PLAGL2: variants seen among roughly 807,000 people sequenced by gnomAD.
PLAGL2 encodes zinc finger protein PLAGL2.
In PLAGL2, 7 loss-of-function variants were observed where a neutral mutation model predicts 29.0. The ratio of observed to expected loss-of-function variants is 0.24; its 90% CI spans 0.14 to 0.45. The LOEUF is 0.45. Ranked by LOEUF, PLAGL2 falls within the 20% of genes least tolerant of loss-of-function variation. The probability of loss-of-function intolerance (pLI) is 0.99; values close to 1 mark genes in which losing one functional copy is unlikely to be tolerated. For synonymous variants in PLAGL2, 234 were observed against 266.0 expected (o/e 0.88, Z 1.17); for missense variants, 454 against 648.2 (o/e 0.70, Z 3.25).
Position 32,196,768 on chromosome 20 carries a change from T to C in PLAGL2, c.1175A>G (p.Asp392Gly), listed in dbSNP as rs1390328207. ...PQPAAAAALLDEALLAKSPAN... is the reference protein window; with the variant it reads ...PQPAAAAALLGEALLAKSPAN... ...GGGGCTCTTGGCAAGCAGTGCTTCA[T>C]CTAGGAGGGCCGCAGCTGCCGCCGG... is the stretch of plus-strand genomic sequence containing the variant. The change falls in exon 3 of 3, where the codon GAT becomes GGT. Residue 392 changes from aspartate to glycine, a missense_variant. By Grantham distance (94) the Asp-to-Gly change is moderately conservative. Around this residue, in one of 4 missense-constraint regions of PLAGL2, gnomAD observed 247 missense variants for 350.3 expected, o/e 0.71. Coordinates refer to ENST00000246229, the MANE Select transcript of PLAGL2 (RefSeq NM_002657.3). 2.5e-6 allele frequency: 4 copies of C among 1,604,622 alleles called. No homozygotes were observed. Among genetic ancestry groups the C allele is most frequent in the Non-Finnish European group, 3.4e-6 (4 of 1,174,844 alleles).
At chr20:32,204,865 T>C (rs1297021850) in intron 1 of PLAGL2, among the ~76,000 whole-genome samples, 1 of 152,254 alleles carries the variant, frequency 6.6e-6, no homozygotes, top group African/African-American at 2.4e-5. Context: ...ATAGAGAAGC[T>C]GACAGAACCT....
Position 32,197,348 on chromosome 20 carries a change from G to A in PLAGL2, c.595C>T (p.Arg199Trp), listed in dbSNP as rs761517519. The change falls in exon 3 of 3, where the codon CGG becomes TGG. Residue 199 changes from arginine to tryptophan, a missense_variant. Arg to Trp is a moderately radical substitution (Grantham distance 101). Transcript: ENST00000246229. This position sits in a 1 kb window ranked among gnomAD's most constrained non-coding sequence, Gnocchi z 6.6. ...KKHPCDHCDR[R>W]FYTRKDVRRH... is the part of the protein sequence containing the mutation. ...CGTACATCCTTACGAGTATAGAACC[G>A]CCGGTCGCAGTGGTCACAGGGGTGC... 1.7e-5 allele frequency: 28 copies of A among 1,602,746 alleles called. No individual in the cohort carries two copies. The highest frequency in any genetic ancestry group is 6.7e-5 in the East Asian group (3 of 44,456).
At position 32,202,037 on chromosome 20, in the gene PLAGL2, G is replaced by C; in HGVS notation, c.142C>G (p.Pro48Ala). ...VKCQCEISGT[P>A]FSNGEKLRPH... Reference sequence around the variant, plus strand: ...CTCAGCTTCTCCCCATTTGAGAAAGGTGTTCCCGAAATTTCACATTGGCAC... The same window carrying C: ...CTCAGCTTCTCCCCATTTGAGAAAGCTGTTCCCGAAATTTCACATTGGCAC... Residue 48 changes from proline (P) to alanine (A), a missense_variant, in exon 2 of 3, where the codon CCT becomes GCT. Coordinates refer to ENST00000246229, the MANE Select transcript of PLAGL2 (RefSeq NM_002657.3). 1.2e-6 allele frequency: 2 copies of C among 1,614,226 alleles called. No individual in the cohort carries two copies. The highest frequency in any genetic ancestry group is 2.2e-5 in the South Asian group (2 of 91,080).
Position 32,197,246 on chromosome 20 carries a change from G to A in PLAGL2, c.697C>T (p.His233Tyr). 6.2e-7 allele frequency: 1 copy of A among 1,614,008 alleles called. No homozygotes were observed. ...CTCTTCTTGACATGACGCGTCAGGT[G>A]GTCCTTACGGCCAAACCGCTGGGCA... ...YCAQRFGRKDHLTRHVKKSHS... is the reference protein window; with the variant it reads ...YCAQRFGRKDYLTRHVKKSHS... The change falls in exon 3 of 3, where the codon CAC becomes TAC. Residue 233 changes from histidine to tyrosine, a missense_variant. Physicochemically the swap from His to Tyr is moderately conservative, Grantham distance 83. Coordinates refer to ENST00000246229, the MANE Select transcript of PLAGL2 (RefSeq NM_002657.3). This position sits in a 1 kb window ranked among gnomAD's most constrained non-coding sequence, Gnocchi z 6.6.
rs758191077 is a variant in PLAGL2 at position 32,197,101 on chromosome 20, C to G, written c.842G>C (p.Arg281Pro). ...GAAGGCCTTGGTCCCCATTACGTCCCGAGAGGCCATGCACAGCACAGGGCT... is the reference window on the plus strand; with the variant it reads ...GAAGGCCTTGGTCCCCATTACGTCCGGAGAGGCCATGCACAGCACAGGGCT... Reference protein sequence around the residue: ...ELSPVLCMASRDVMGTKAFPG... With the variant: ...ELSPVLCMASPDVMGTKAFPG... The change falls in exon 3 of 3, where the codon CGG (arginine) becomes CCG (proline). Residue 281 changes from arginine (R) to proline (P), a missense_variant. By Grantham distance (103) the Arg-to-Pro change is moderately radical (BLOSUM62 -2). Transcript: ENST00000246229. This position sits in a 1 kb window ranked among gnomAD's most constrained non-coding sequence, Gnocchi z 6.6. The G allele has an allele frequency of 6.2e-7, 1 of 1,614,168 alleles. No homozygotes were observed. The highest frequency in any genetic ancestry group is 2.2e-5 in the East Asian group (1 of 44,886).
chr20:32,196,597 A>G lies in PLAGL2; in HGVS notation c.1346T>C (p.Leu449Pro). The G allele has an allele frequency of 6.5e-7, 1 of 1,537,726 alleles. No individual in the cohort carries two copies. The highest frequency in any genetic ancestry group is 8.7e-7 in the Non-Finnish European group (1 of 1,146,512). ...MGYSQAEAQP[L>P]LTTLQAQPQD... is the part of the protein sequence containing the mutation. The stretch of plus-strand genomic sequence containing the variant: ...AGGCTGAGCTTGCAAAGTGGTAAGC[A>G]GGGGCTGTGCCTCAGCCTGGGAGTA... The change falls in exon 3 of 3, where the codon CTG (leucine) becomes CCG (proline). Residue 449 changes from leucine (L) to proline (P), a missense_variant. Physicochemically the swap from Leu to Pro is moderately conservative, Grantham distance 98. This residue lies in a region of PLAGL2 where 247 missense variants were observed against 350.3 expected (regional missense o/e 0.71). Coordinates refer to ENST00000246229, the MANE Select transcript of PLAGL2 (RefSeq NM_002657.3).
rs1417730518 is a variant in PLAGL2, at chr20:32,196,700, A to G, written c.1243T>C (p.Ser415Pro). ...AGTGGAAGAAAGCCCAGTAGGTGGG[A>G]GAAGTCCACATTAGCAGCGCAGAGG... ...EALCAANVDF[S>P]HLLGFLPLNL... The change falls in exon 3 of 3, where the codon TCC (serine) becomes CCC (proline). Residue 415 changes from serine (S) to proline (P), a missense_variant. By Grantham distance (74) the Ser-to-Pro change is moderately conservative (BLOSUM62 -1). This residue lies in a region of PLAGL2 where 247 missense variants were observed against 350.3 expected (regional missense o/e 0.71). Coordinates refer to ENST00000246229, the MANE Select transcript of PLAGL2 (RefSeq NM_002657.3). The G allele has an allele frequency of 6.4e-7, 1 of 1,557,790 alleles. No individual in the cohort carries two copies. Among genetic ancestry groups the G allele is most frequent in the Non-Finnish European group, 8.7e-7 (1 of 1,151,560 alleles).
Position 32,193,893 on chromosome 20 carries a change from C to G in PLAGL2, c.*2559G>C, listed in dbSNP as rs1255838439. ...TATTCCTCTGTACCAGCAAAGTTCA[C>G]AGTGATAGGAAAATTCCTTGTGGGT... On this transcript the variant is annotated 3_prime_UTR_variant, in exon 3 of 3. Transcript: ENST00000246229. 6.6e-6 allele frequency: 1 copy of G among 151,632 alleles called. No homozygotes were observed. Among genetic ancestry groups the G allele is most frequent in the African/African-American group, 2.4e-5 (1 of 41,048 alleles). 9.4% of individuals were successfully genotyped at this position (151,632 alleles called of 1,614,324 possible). A position where few individuals can be genotyped will look rare whatever the true frequency, so the allele number is the denominator to read the frequency against.
At chr20:32,205,678 A>G (rs2047282759) in intron 1 of PLAGL2, among the ~76,000 whole-genome samples, 1 of 152,214 alleles carries the variant, frequency 6.6e-6, no homozygotes, top group Non-Finnish European at 1.5e-5. Context: ...CTGTAAAGCT[A>G]AAAATACTTA....
In PLAGL2 at chr20:32,207,691, G is replaced by GC. The variant is rs2047297657; in HGVS notation, c.-166dup. ...CCGGGCCGCGCTCGGGCTCCGCCAGGCCCCCTCAGGCCCCGGTAGTGGCGG... is the reference window on the plus strand; with the variant it reads ...CCGGGCCGCGCTCGGGCTCCGCCAGGCCCCCCTCAGGCCCCGGTAGTGGCGG... On this transcript the variant is annotated 5_prime_UTR_variant, in exon 1 of 3. The change creates a premature stop within an existing upstream ORF in the 5' untranslated region. Coordinates refer to ENST00000246229, the MANE Select transcript of PLAGL2 (RefSeq NM_002657.3). The GC allele has an allele frequency of 4.1e-6, 1 of 246,508 alleles. No individual in the cohort carries two copies. The highest frequency in any genetic ancestry group is 7.2e-6 in the Non-Finnish European group (1 of 138,660). The allele number at this position is 246,508 out of a possible 1,614,324, so 15.3% of individuals were successfully genotyped here.
chr20:32,198,133 G>A (rs1264901025), intron 2 of PLAGL2, among the ~76,000 whole-genome samples: 1 of 152,198 alleles, frequency 6.6e-6, no homozygotes, highest in Admixed American at 6.5e-5. Context: ...GCTTGTATAT[G>A]GCTAAAATAT....
chr20:32,204,110 CAG>C (rs745856338), intron 1 of PLAGL2, among the ~76,000 whole-genome samples: 2 of 152,162 alleles, frequency 1.3e-5, no homozygotes, highest in Non-Finnish European at 2.9e-5. Flanking sequence ...TGGAATTGAG[CAG>C]AGAGTGTGCT....
chr20:32,204,272 A>G (rs757500272), intron 1 of PLAGL2, among the ~76,000 whole-genome samples: 74 of 152,180 alleles, frequency 4.9e-4, no homozygotes, highest in Admixed American at 3.3e-4. Context: ...GGCTGATGTG[A>G]GAGAGGAGCC....
Position 32,197,733 on chromosome 20 carries a change from CA to C in PLAGL2, c.261-52del. The C allele has an allele frequency of 6.7e-7, 1 of 1,502,020 alleles. No homozygotes were observed. Among genetic ancestry groups the C allele is most frequent in the Non-Finnish European group, 9.2e-7 (1 of 1,091,854 alleles). 93.0% of individuals were successfully genotyped at this position (1,502,020 alleles called of 1,614,324 possible). ...GAGAAAGCAGAAAGAGGGGAGATCA[CA>C]AGGGATGACTGGACAACCAAAGGTG... is the stretch of plus-strand genomic sequence containing the variant. On this transcript the variant is annotated intron_variant, in intron 2 of 2. Transcript: ENST00000246229. This position sits in a 1 kb window ranked among gnomAD's most constrained non-coding sequence, Gnocchi z 6.6.
chr20:32,199,626 G>A (rs1201641241), intron 2 of PLAGL2, among the ~76,000 whole-genome samples: 1 of 152,158 alleles, frequency 6.6e-6, no homozygotes, highest in Non-Finnish European at 1.5e-5. Flanking sequence ...CTTGAGGCCA[G>A]GAATTTGAGA....
At chr20:32,201,480 A>T (rs2047259085) in intron 2 of PLAGL2, among the ~76,000 whole-genome samples, 1 of 152,176 alleles carries the variant, frequency 6.6e-6, no homozygotes, top group Non-Finnish European at 1.5e-5. Flanking sequence ...GTTACCTGGG[A>T]GAATGAGTCA....
At chr20:32,204,040 C>T (rs763753182) in intron 1 of PLAGL2, among the ~76,000 whole-genome samples, 2 of 152,110 alleles carry the variant, frequency 1.3e-5, no homozygotes, top group African/African-American at 2.4e-5. Context: ...TGTTTAAGTC[C>T]CCTCCTCCTT....
In PLAGL2 at chr20:32,197,238, C is replaced by T. The variant is rs553273350; in HGVS notation, c.705G>A (p.Thr235=). 28 of 1,614,114 alleles carry T rather than the reference C, an allele frequency of 1.7e-5. No homozygotes were observed. The East Asian group carries it at 2.5e-4, about 14-fold the overall frequency. The change falls in exon 3 of 3, where the codon ACG becomes ACA. Residue 235 remains threonine, a synonymous_variant. Coordinates refer to ENST00000246229, the MANE Select transcript of PLAGL2 (RefSeq NM_002657.3). This position sits in a 1 kb window ranked among gnomAD's most constrained non-coding sequence, Gnocchi z 6.6. ...GCGAGTGGCTCTTCTTGACATGACGCGTCAGGTGGTCCTTACGGCCAAACC... is the reference window on the plus strand; with the variant it reads ...GCGAGTGGCTCTTCTTGACATGACGTGTCAGGTGGTCCTTACGGCCAAACC... ...AQRFGRKDHL[T]RHVKKSHSQE... is the part of the protein sequence containing the mutation.
At chr20:32,198,209 A>C (rs1447096811) in intron 2 of PLAGL2, among the ~76,000 whole-genome samples, 2 of 152,274 alleles carry the variant, frequency 1.3e-5, no homozygotes, top group Non-Finnish European at 2.9e-5. Context: ...CGAACAGCTT[A>C]TAGATGGGTG....
Sources: gnomAD v4.1 joint callset for allele counts (sites outside exome capture counted in the v4.1 genomes callset) on GRCh38, gnomAD v4.1.1 for gene constraint, gnomAD v4.1.1 regional missense constraint, Gnocchi (gnomAD v3.1) non-coding constraint, MANE v1.5 for transcripts, NCBI Gene and HGNC (gene_info 2026-07-23, HGNC 2026-07-21) for gene names.